KCNK10: variants seen among roughly 807,000 people sequenced by gnomAD.
KCNK10 encodes the protein potassium two pore domain channel subfamily K member 10.
KCNK10 carries 25 observed loss-of-function variants against 47.7 expected under a neutral mutation model. That is an observed-to-expected ratio of 0.52 (90% CI 0.38 to 0.73). The LOEUF (loss-of-function observed/expected upper bound fraction) is 0.73. Among genes scored for constraint, KCNK10 ranks in the 30% least tolerant of loss-of-function variants. KCNK10 has a pLI of 0.00. For missense variants in KCNK10, 563 were observed against 714.5 expected (o/e 0.79, Z 2.42); for synonymous variants, 303 against 285.6 (o/e 1.06, Z -0.61).
intron 4 of KCNK10, among the ~76,000 whole-genome samples, chr14:88,226,784 A>G (rs1488717796): frequency 1.3e-5 from 2 of 152,224 alleles, no homozygotes; most frequent in African/African-American, 4.8e-5. Context: ...TCCAGAAAGG[A>G]AAAAACCCAC....
Position 88,187,964 on chromosome 14 carries a change from T to C in KCNK10, c.1011+3A>G. The C allele has an allele frequency of 6.2e-7, 1 of 1,614,038 alleles. No homozygotes were observed. On this transcript the variant is annotated splice_donor_region_variant and intron_variant, in intron 6 of 6. Coordinates refer to ENST00000319231, the MANE Select transcript of KCNK10 (RefSeq NM_138317.3). ...CATTCATAGGGTTAGGAAGGGGTCC[T>C]ACCTCTTCTTTTGTCTTTTTGGACA...
chr14:88,195,387 CA>C (rs1206527610), intron 4 of KCNK10, among the ~76,000 whole-genome samples: 1 of 152,190 alleles, frequency 6.6e-6, no homozygotes, highest in East Asian at 1.9e-4. Context: ...GGTTAATATT[CA>C]ATGCTTGTTA....
chr14:88,205,834 G>A (rs1885256796), intron 4 of KCNK10, among the ~76,000 whole-genome samples: 1 of 152,114 alleles, frequency 6.6e-6, no homozygotes, highest in South Asian at 2.1e-4. Flanking sequence ...AAGCCACCAT[G>A]CCTGGCCCGT....
chr14:88,272,105 C>T (rs1887419686), intron 1 of KCNK10, among the ~76,000 whole-genome samples: 1 of 152,080 alleles, frequency 6.6e-6, no homozygotes, highest in South Asian at 2.1e-4. Context: ...GGCAGGGCTC[C>T]TAAAAGACAG....
chr14:88,243,157 C>A (rs893049654), intron 2 of KCNK10, among the ~76,000 whole-genome samples: 1 of 152,214 alleles, frequency 6.6e-6, no homozygotes, highest in Non-Finnish European at 1.5e-5. Flanking sequence ...ATGTAACCCT[C>A]AAGGAAAGTG....
chr14:88,312,774 A>G (rs545250185), intron 1 of KCNK10, among the ~76,000 whole-genome samples: 8 of 152,334 alleles, frequency 5.3e-5, no homozygotes, highest in African/African-American at 9.6e-5. Flanking sequence ...CACACAAGAC[A>G]GGCAAAATAG....
chr14:88,208,332 A>C (rs1566685679), intron 4 of KCNK10, among the ~76,000 whole-genome samples: 1 of 152,226 alleles, frequency 6.6e-6, no homozygotes, highest in Non-Finnish European at 1.5e-5. Context: ...ATAGTGGCTC[A>C]CGGAAGCAGG....
chr14:88,213,735 G>A (rs957629651), intron 4 of KCNK10, among the ~76,000 whole-genome samples: 2 of 151,760 alleles, frequency 1.3e-5, no homozygotes, highest in African/African-American at 4.8e-5. Context: ...AAGAGTTTCA[G>A]AAGCCTTAGG....
At chr14:88,255,934 A>G (rs1355135785) in intron 2 of KCNK10, among the ~76,000 whole-genome samples, 1 of 152,246 alleles carries the variant, frequency 6.6e-6, no homozygotes, top group African/African-American at 2.4e-5. Flanking sequence ...GGATTCAAGC[A>G]CTTAGAACAG....
chr14:88,193,499 C>T (rs566327282), intron 4 of KCNK10, among the ~76,000 whole-genome samples: 1 of 152,294 alleles, frequency 6.6e-6, no homozygotes, highest in South Asian at 2.1e-4. Context: ...GCCCTGGTAT[C>T]ATATACTAGC....
At chr14:88,290,193 AG>A (rs1429234913) in intron 1 of KCNK10, among the ~76,000 whole-genome samples, 4 of 152,130 alleles carry the variant, frequency 2.6e-5, no homozygotes, top group Non-Finnish European at 5.9e-5. Flanking sequence ...TGTAATCACA[AG>A]GGGGAGCGGG....
At position 88,214,637 on chromosome 14, in the gene KCNK10, A is replaced by C. The variant is rs1372134327; in HGVS notation, c.681+12738T>G. On this transcript the variant is annotated intron_variant, in intron 4 of 6. Transcript: ENST00000319231. ...AGCAGACATGAGCAAGGGGACACCTAAATCTTAGATTAACCTCCAAGAAAA... is the reference window on the plus strand; with the variant it reads ...AGCAGACATGAGCAAGGGGACACCTCAATCTTAGATTAACCTCCAAGAAAA... 2.0e-5 allele frequency among the ~76,000 whole-genome samples: 3 copies of C among 152,246 alleles called. No individual in the cohort carries two copies. In the East Asian group the frequency reaches 5.8e-4, roughly 29 times the overall value.
At chr14:88,198,379 C>T (rs917678358) in intron 4 of KCNK10, among the ~76,000 whole-genome samples, 1 of 152,194 alleles carries the variant, frequency 6.6e-6, no homozygotes, top group African/African-American at 2.4e-5. Context: ...GATGCCCCTC[C>T]CAGCTGCTCA....
At chr14:88,313,801 G>T (rs887924921) in intron 1 of KCNK10, among the ~76,000 whole-genome samples, 1 of 152,078 alleles carries the variant, frequency 6.6e-6, no homozygotes, top group African/African-American at 2.4e-5. Context: ...CTAAATGTTG[G>T]GGTTATTTGT....
At chr14:88,231,679 A>G (rs570449894) in intron 3 of KCNK10, among the ~76,000 whole-genome samples, 1 of 152,334 alleles carries the variant, frequency 6.6e-6, no homozygotes, top group African/African-American at 2.4e-5. Context: ...ACGTTGAATT[A>G]GTTACTGAGA....
intron 1 of KCNK10, among the ~76,000 whole-genome samples, chr14:88,312,819 G>A (rs865949677): frequency 1.3e-5 from 2 of 152,142 alleles, no homozygotes; most frequent in Non-Finnish European, 2.9e-5. Context: ...AAAAAGTTTG[G>A]ACTGATAGGT....
chr14:88,210,229 C>A (rs1885410434), intron 4 of KCNK10, among the ~76,000 whole-genome samples: 3 of 152,320 alleles, frequency 2.0e-5, no homozygotes, highest in Admixed American at 2.0e-4. Flanking sequence ...ATGGATCATT[C>A]ACCCAAGGTG....
chr14:88,302,605 G>A (rs1888125344), intron 1 of KCNK10, among the ~76,000 whole-genome samples: 2 of 152,326 alleles, frequency 1.3e-5, no homozygotes, highest in African/African-American at 4.8e-5. Flanking sequence ...AGCTACTTGG[G>A]AGGCTGAGGC....
At position 88,240,835 on chromosome 14, in the gene KCNK10, A is replaced by C; in HGVS notation, c.403-15T>G. 6.6e-7 allele frequency: 1 copy of C among 1,509,784 alleles called. No individual in the cohort carries two copies. Among genetic ancestry groups the C allele is most frequent in the Non-Finnish European group, 9.2e-7 (1 of 1,085,574 alleles). The allele number at this position is 1,509,784 out of a possible 1,614,324, so 93.5% of individuals were successfully genotyped here. ...TCAAGAGCATGCTGCAAAGAAAGGG[A>C]AAAAGCATAAGACTCAGTTTAAAAG... On this transcript the variant is annotated splice_polypyrimidine_tract_variant and intron_variant, in intron 2 of 6. Transcript: ENST00000319231.
Sources: gnomAD v4.1 joint callset for allele counts (sites outside exome capture counted in the v4.1 genomes callset) on GRCh38, gnomAD v4.1.1 for gene constraint, MANE v1.5 for transcripts, NCBI Gene and HGNC (gene_info 2026-07-23, HGNC 2026-07-21) for gene names.